The following ABCG2 variants were observed in gnomAD, a reference collection of about 807,000 sequenced individuals.
The protein encoded by ABCG2 is ATP binding cassette subfamily G member 2 (JR blood group).
A neutral mutation model predicts 73.5 loss-of-function variants in ABCG2; 80 were observed. The ratio of observed to expected loss-of-function variants is 1.09; its 90% CI spans 0.91 to 1.31. The LOEUF (loss-of-function observed/expected upper bound fraction) is 1.31, where lower values mean the gene tolerates loss of function less well. Among genes scored for constraint, ABCG2 ranks in the 50% most tolerant of loss-of-function variants. The probability of loss-of-function intolerance (pLI) is 0.00; values close to 1 mark genes in which losing one functional copy is unlikely to be tolerated. For synonymous variants in ABCG2, 269 were observed against 282.4 expected, an observed-to-expected ratio of 0.95 and a Z score of 0.48; for missense variants, 796 against 786.2, an observed-to-expected ratio of 1.01 and a Z score of -0.15.
At chr4:88,116,060 T>C (rs1723559086) in intron 7 of ABCG2, among the ~76,000 whole-genome samples, 1 of 152,166 alleles carries the variant, frequency 6.6e-6, no homozygotes, top group Non-Finnish European at 1.5e-5. Flanking sequence ...CCAGGTGCAT[T>C]GGCTTATGAC....
At chr4:88,146,953 G>A (rs1247803591) in intron 1 of ABCG2, among the ~76,000 whole-genome samples, 1 of 136,444 alleles carries the variant, frequency 7.3e-6, no homozygotes, top group East Asian at 2.1e-4. Context: ...GAGGAAGGGA[G>A]GGAGGGAGGG....
intron 7 of ABCG2, 82 bp downstream of exon 7, chr4:88,118,027 A>G: frequency 7.1e-7 from 1 of 1,398,642 alleles, no homozygotes; most frequent in Non-Finnish European, 9.7e-7. Context: ...CAAAGACCAA[A>G]CAGCACTCCT....
chr4:88,158,392 T>C lies in ABCG2; in HGVS notation c.-26A>G. The C allele has an allele frequency of 2.4e-6, 1 of 410,230 alleles. No homozygotes were observed. The highest frequency in any genetic ancestry group is 4.9e-6 in the Non-Finnish European group (1 of 204,792). 25.4% of individuals were successfully genotyped at this position (410,230 alleles called of 1,614,324 possible). ...GGTTTTACAATTTACTCACTCAGCT[T>C]AATAGAGCTCGGTCTTAACCAAAGG... is the stretch of plus-strand genomic sequence containing the variant. On this transcript the variant is annotated 5_prime_UTR_variant, in exon 1 of 16. Coordinates refer to ENST00000237612, the MANE Select transcript of ABCG2 (RefSeq NM_004827.3).
chr4:88,097,012 G>C (rs575042250), intron 13 of ABCG2, among the ~76,000 whole-genome samples: 3 of 152,024 alleles, frequency 2.0e-5, no homozygotes, highest in Non-Finnish European at 4.4e-5. Flanking sequence ...GTTCAATGCT[G>C]TATGTGGGAA....
rs70957302 is a variant in ABCG2, at chr4:88,125,607, C to CAA, written c.532-3817_532-3816dup. On this transcript the variant is annotated intron_variant, in intron 5 of 15. Coordinates refer to ENST00000237612, the MANE Select transcript of ABCG2 (RefSeq NM_004827.3). ...TGGGCAACAGAGCAAGACTCTGTCT[C>CAA]AAAAAAAAAAAAAAAAAAAAAAAAA... Among the ~76,000 whole-genome samples, 67 of 34,976 alleles carry CAA rather than the reference C, an allele frequency of 1.9e-3. 6 individuals carry two copies. The highest frequency in any genetic ancestry group is 5.4e-3 in the African/African-American group (52 of 9,700). 22.9% of individuals were successfully genotyped at this position (34,976 alleles called of 152,430 possible). A position where few individuals can be genotyped will look rare whatever the true frequency, so the allele number is the denominator to read the frequency against.
rs1415283012 is a variant in ABCG2, at chr4:88,139,779, G to C, written c.203+14C>G. On this transcript the variant is annotated intron_variant, in intron 2 of 15. Transcript: ENST00000237612. ...AAATTAAAAAGCTGTCTTTTTACAAGTTCATGTACATACTTGATATTCGAT... is the reference window on the plus strand; with the variant it reads ...AAATTAAAAAGCTGTCTTTTTACAACTTCATGTACATACTTGATATTCGAT... 6.2e-7 allele frequency: 1 copy of C among 1,609,218 alleles called. No homozygotes were observed. Among genetic ancestry groups the C allele is most frequent in the African/African-American group, 1.3e-5 (1 of 74,856 alleles).
intron 1 of ABCG2, among the ~76,000 whole-genome samples, chr4:88,173,041 A>T (rs1239449474): frequency 6.6e-6 from 1 of 152,210 alleles, no homozygotes; most frequent in Non-Finnish European, 1.5e-5. Flanking sequence ...AGCAGTTTTT[A>T]ACACATTAAG....
chr4:88,187,792 T>G lies in ABCG2; in HGVS notation c.-20+43202A>C, dbSNP rs139551548. Among the ~76,000 whole-genome samples, 169 of 152,258 alleles carry G rather than the reference T, an allele frequency of 1.1e-3. 1 individual carries two copies. Among genetic ancestry groups the G allele is most frequent in the Non-Finnish European group, 1.3e-3 (89 of 68,006 alleles). ...TAAAGGGATGAGCTAATTTAACAAT[T>G]TGTACTAAGAAGAGTGAATAGAGAA... On this transcript the variant is annotated intron_variant, in intron 1 of 15. Coordinates refer to the ABCG2 transcript ENST00000515655.
chr4:88,189,956 A>G, intron 1 of ABCG2, among the ~76,000 whole-genome samples: 1 of 152,338 alleles, frequency 6.6e-6, no homozygotes, highest in Non-Finnish European at 1.5e-5. Flanking sequence ...TACATTGTTA[A>G]TGAACAAATG....
intron 5 of ABCG2, among the ~76,000 whole-genome samples, chr4:88,126,103 A>T (rs1724389484): frequency 6.6e-6 from 1 of 152,224 alleles, no homozygotes; most frequent in South Asian, 2.1e-4. Flanking sequence ...GGATATAATC[A>T]CTGATCCCAC....
chr4:88,222,800 C>CCT (rs1730060922), intron 1 of ABCG2, among the ~76,000 whole-genome samples: 1 of 152,206 alleles, frequency 6.6e-6, no homozygotes, highest in African/African-American at 2.4e-5. Context: ...CCACCAACAG[C>CCT]TTGCCCCATG....
chr4:88,223,248 G>T (rs1265388588), intron 1 of ABCG2, among the ~76,000 whole-genome samples: 1 of 152,182 alleles, frequency 6.6e-6, no homozygotes, highest in Non-Finnish European at 1.5e-5. Context: ...GGGCATGATT[G>T]TGTTTTAAAA....
At chr4:88,152,878 A>G (rs969451637) in intron 1 of ABCG2, among the ~76,000 whole-genome samples, 1 of 152,162 alleles carries the variant, frequency 6.6e-6, no homozygotes, top group African/African-American at 2.4e-5. Flanking sequence ...GTGGGAACCT[A>G]AAGTGGGAGA....
chr4:88,113,840 T>A (rs1336597997), intron 8 of ABCG2, among the ~76,000 whole-genome samples: 1 of 151,906 alleles, frequency 6.6e-6, no homozygotes, highest in East Asian at 1.9e-4. Context: ...GGTGCGTGCC[T>A]GTAATCCCAG....
At chr4:88,158,711 T>G (rs1727126875), upstream of ABCG2, 1 of 448,810 alleles carries the variant, frequency 2.2e-6, no homozygotes, top group South Asian at 1.6e-5. Context: ...GCACAACCCC[T>G]TCCCCCAACC....
chr4:88,182,291 T>C (rs1578261033), intron 1 of ABCG2, among the ~76,000 whole-genome samples: 1 of 152,178 alleles, frequency 6.6e-6, no homozygotes, highest in South Asian at 2.1e-4. Context: ...TACACTCCAA[T>C]ATGATAACAG....
At chr4:88,192,475 A>C (rs1728728183) in intron 1 of ABCG2, among the ~76,000 whole-genome samples, 1 of 151,918 alleles carries the variant, frequency 6.6e-6, no homozygotes, top group Non-Finnish European at 1.5e-5. Context: ...GCTGGAGTGC[A>C]GTGGCGCAAT....
At chr4:88,112,450 CCT>C (rs149926596) in intron 9 of ABCG2, among the ~76,000 whole-genome samples, 11,584 of 152,154 alleles carry the variant, frequency 0.076, 817 homozygotes, top group East Asian at 0.32. Context: ...CTCTTCCTCC[CCT>C]TTCTCCACCC....
chr4:88,210,790 C>T (rs939548900), intron 1 of ABCG2, among the ~76,000 whole-genome samples: 2 of 151,920 alleles, frequency 1.3e-5, no homozygotes, highest in African/African-American at 4.8e-5. Flanking sequence ...GCTTTGTTGC[C>T]CACACTGGTC....
Sources: allele counts gnomAD v4.1 joint callset (sites outside exome capture counted in the v4.1 genomes callset), GRCh38; gene constraint gnomAD v4.1.1; transcripts MANE v1.5; gene names NCBI Gene and HGNC (gene_info 2026-07-23, HGNC 2026-07-21).